The following PDE7B variants were observed in gnomAD, a reference collection of about 807,000 sequenced individuals.
PDE7B encodes the protein 3',5'-cyclic-AMP phosphodiesterase 7B.
Under a neutral mutation model 56.2 loss-of-function variants are expected in PDE7B, and 29 were observed. The observed-to-expected ratio is 0.52, with a 90% CI of 0.38 to 0.70. The LOEUF (loss-of-function observed/expected upper bound fraction) is 0.70, where lower values mean the gene tolerates loss of function less well. Among genes scored for constraint, PDE7B ranks in the 30% least tolerant of loss-of-function variants. PDE7B has a pLI of 0.00. For missense variants in PDE7B, 490 were observed against 565.0 expected (o/e 0.87, Z 1.35); for synonymous variants, 197 against 196.9 (o/e 1.00, Z 0.00).
At chr6:136,036,015 T>G (rs543580179) in intron 2 of PDE7B, among the ~76,000 whole-genome samples, 28 of 152,346 alleles carry the variant, frequency 1.8e-4, no homozygotes, top group African/African-American at 5.8e-4. Context: ...AGGAAACTCT[T>G]CAGTTGTTAT....
intron 3 of PDE7B, among the ~76,000 whole-genome samples, chr6:136,143,113 G>T (rs964428389): frequency 6.6e-6 from 1 of 152,062 alleles, no homozygotes; most frequent in East Asian, 1.9e-4. Context: ...CATGTTTAGT[G>T]CTTCCTTCAG....
chr6:135,942,920 C>T (rs1774531217), intron 1 of PDE7B, among the ~76,000 whole-genome samples: 1 of 152,084 alleles, frequency 6.6e-6, no homozygotes, highest in Non-Finnish European at 1.5e-5. Context: ...GATGAACACT[C>T]AGTTGGCCCC....
chr6:136,112,943 G>A (rs1174417087), intron 3 of PDE7B, among the ~76,000 whole-genome samples: 1 of 152,088 alleles, frequency 6.6e-6, no homozygotes, highest in Non-Finnish European at 1.5e-5. Flanking sequence ...TTTATTAATA[G>A]TGCCATTTTT....
intron 3 of PDE7B, among the ~76,000 whole-genome samples, chr6:136,128,169 A>C (rs1778052487): frequency 6.6e-6 from 1 of 151,958 alleles, no homozygotes; most frequent in South Asian, 2.1e-4. Flanking sequence ...ACTTATTTCC[A>C]CTCATTGGGA....
chr6:136,038,480 A>C, intron 2 of PDE7B: 1 of 1,289,812 alleles, frequency 7.8e-7, no homozygotes, highest in Non-Finnish European at 1.0e-6. Flanking sequence ...GCAGGCGACC[A>C]AACAGAGAGG....
intron 2 of PDE7B, among the ~76,000 whole-genome samples, chr6:136,001,062 C>G (rs113177622): frequency 1.3e-5 from 2 of 152,230 alleles, no homozygotes; most frequent in East Asian, 1.9e-4. Context: ...TGTTCTGCAG[C>G]CACCGCTGCT....
At chr6:136,084,968 TC>T (rs1489295526) in intron 2 of PDE7B, among the ~76,000 whole-genome samples, 1 of 152,022 alleles carries the variant, frequency 6.6e-6, no homozygotes, top group Non-Finnish European at 1.5e-5. Flanking sequence ...CCTCCACCTA[TC>T]CCCTTCACCC....
At chr6:136,150,790 G>A (rs1778497443) in intron 5 of PDE7B, among the ~76,000 whole-genome samples, 1 of 151,976 alleles carries the variant, frequency 6.6e-6, no homozygotes, top group South Asian at 2.1e-4. Context: ...TAGTCAATTG[G>A]AAGTGACTTA....
chr6:135,946,727 C>T (rs1031933312), intron 1 of PDE7B, among the ~76,000 whole-genome samples: 3 of 152,000 alleles, frequency 2.0e-5, no homozygotes, highest in Non-Finnish European at 4.4e-5. Context: ...TGCTCATGTA[C>T]TTTATCCATT....
intron 2 of PDE7B, among the ~76,000 whole-genome samples, chr6:135,953,245 C>T (rs1428860620): frequency 1.3e-5 from 2 of 151,908 alleles, no homozygotes; most frequent in Admixed American, 6.6e-5. Context: ...TTATCACTTG[C>T]TTCAGCTTTT....
chr6:135,916,657 C>T (rs1301583351), intron 1 of PDE7B, among the ~76,000 whole-genome samples: 1 of 151,950 alleles, frequency 6.6e-6, no homozygotes, highest in African/African-American at 2.4e-5. Flanking sequence ...TCCCAAAGTG[C>T]TGGGATTACA....
intron 1 of PDE7B, among the ~76,000 whole-genome samples, chr6:135,878,379 A>G (rs1775540863): frequency 6.6e-6 from 1 of 152,150 alleles, no homozygotes; most frequent in South Asian, 2.1e-4. Flanking sequence ...GTACACTTTA[A>G]CTTTATAAAA....
At chr6:135,973,858 G>A (rs771136449) in intron 2 of PDE7B, among the ~76,000 whole-genome samples, 3 of 152,186 alleles carry the variant, frequency 2.0e-5, no homozygotes, top group Admixed American at 1.3e-4. Context: ...TAACACTTTA[G>A]TTGGCCAGTA....
At chr6:136,112,954 C>G (rs1777772425) in intron 3 of PDE7B, among the ~76,000 whole-genome samples, 1 of 152,106 alleles carries the variant, frequency 6.6e-6, no homozygotes, top group Non-Finnish European at 1.5e-5. Flanking sequence ...TGCCATTTTT[C>G]ATTCCCAGAG....
rs1779024999 is a variant in PDE7B, at chr6:136,179,152, C to T, written c.948+11C>T. The stretch of plus-strand genomic sequence containing the variant: ...CACTTTATGCTTCAGGTAAACGAAA[C>T]AATAAAAGCCATTCTTTTTGCTGAG... On this transcript the variant is annotated intron_variant, in intron 10 of 12. Coordinates refer to ENST00000308191, the MANE Select transcript of PDE7B (RefSeq NM_018945.4). 1 of 1,612,020 alleles carries T rather than the reference C, an allele frequency of 6.2e-7. No individual in the cohort carries two copies. The highest frequency in any genetic ancestry group is 1.3e-5 in the African/African-American group (1 of 74,796).
chr6:136,170,274 C>A (rs776519961), intron 8 of PDE7B, among the ~76,000 whole-genome samples: 2 of 152,112 alleles, frequency 1.3e-5, no homozygotes, highest in African/African-American at 4.8e-5. Flanking sequence ...TTTTCCCTTA[C>A]TTTTTGTTTA....
At chr6:136,178,257 T>C (rs2128450915) in intron 9 of PDE7B, among the ~76,000 whole-genome samples, 1 of 152,326 alleles carries the variant, frequency 6.6e-6, no homozygotes, top group Admixed American at 6.5e-5. Context: ...AAGGTGTTCA[T>C]TTTCTATTTA....
At chr6:136,090,162 A>G (rs1777364375) in intron 2 of PDE7B, among the ~76,000 whole-genome samples, 2 of 152,106 alleles carry the variant, frequency 1.3e-5, no homozygotes, top group Admixed American at 1.3e-4. Flanking sequence ...ACAATCAGGG[A>G]TCATCTTCTT....
In PDE7B at chr6:136,193,423, T is replaced by C. The variant is rs556280436; in HGVS notation, c.*1583T>C. 2 of 149,316 alleles carry C rather than the reference T, an allele frequency of 1.3e-5. No individual in the cohort carries two copies. Among genetic ancestry groups the C allele is most frequent in the Admixed American group, 1.3e-4 (2 of 15,222 alleles). The allele number at this position is 149,316 out of a possible 1,614,324, so 9.2% of individuals were successfully genotyped here. On this transcript the variant is annotated 3_prime_UTR_variant, in exon 13 of 13. Coordinates refer to ENST00000308191, the MANE Select transcript of PDE7B (RefSeq NM_018945.4). ...CAGACTTTACCTTCCTGGCAGGTCA[T>C]TGTAGTTAATTATGTCTCTAGCTTG... is the stretch of plus-strand genomic sequence containing the variant.
Sources: allele counts gnomAD v4.1 joint callset (sites outside exome capture counted in the v4.1 genomes callset), GRCh38; gene constraint gnomAD v4.1.1; transcripts MANE v1.5; gene names NCBI Gene and HGNC (gene_info 2026-07-23, HGNC 2026-07-21).